The following FBXL16 variants were observed in gnomAD, a reference collection of about 807,000 sequenced individuals.
The protein encoded by FBXL16 is F-box/LRR-repeat protein 16.
A neutral mutation model predicts 36.7 loss-of-function variants in FBXL16; 7 were observed. That is an observed-to-expected ratio of 0.19 (90% CI 0.11 to 0.36). The LOEUF (loss-of-function observed/expected upper bound fraction) is 0.36, where lower values mean the gene tolerates loss of function less well. Among genes scored for constraint, FBXL16 ranks in the 10% least tolerant of loss-of-function variants. The pLI is 1.00. For missense variants in FBXL16, 463 were observed against 659.4 expected (o/e 0.70, Z 3.26); for synonymous variants, 355 against 308.7 (o/e 1.15, Z -1.57).
intron 3 of FBXL16, 73 bp downstream of exon 3, chr16:695,342 C>A (rs2040002680): frequency 9.4e-7 from 1 of 1,068,642 alleles, no homozygotes; most frequent in East Asian, 6.8e-5. Flanking sequence ...CGGCCCCGTG[C>A]AGCCCCGCCC....
Position 697,112 on chromosome 16 carries a change from G to A in FBXL16, c.294C>T (p.Asp98=), listed in dbSNP as rs369646416. Residue 98 remains aspartate (D), a synonymous_variant, in exon 2 of 6, where the codon GAC becomes GAT. Coordinates refer to ENST00000397621, the MANE Select transcript of FBXL16 (RefSeq NM_153350.4). The surrounding 1 kb of genome is among the most constrained non-coding windows in gnomAD (Gnocchi z 4.6). ...AGAAGAGCCCATTGAGGATCTTCTC[G>A]TCCGTGGCCAGCGGCGGCCGCTCCG... ...HPAERPPLAT[D]EKILNGLFWY... 30 of 1,607,406 alleles carry A rather than the reference G, an allele frequency of 1.9e-5. No homozygotes were observed. The East Asian group carries it at 2.5e-4, about 13-fold the overall frequency.
At chr16:700,189 G>A (rs2040045500) in intron 1 of FBXL16, among the ~76,000 whole-genome samples, 1 of 152,076 alleles carries the variant, frequency 6.6e-6, no homozygotes, top group Non-Finnish European at 1.5e-5. Flanking sequence ...CGGGACCAGG[G>A]GTCTCGCCAG....
intron 2 of FBXL16, among the ~76,000 whole-genome samples, chr16:696,451 A>G (rs1310381123): frequency 6.6e-6 from 1 of 152,096 alleles, no homozygotes; most frequent in Non-Finnish European, 1.5e-5. Flanking sequence ...TTTAATAGAA[A>G]TAGAGTTTCA....
At chr16:694,477 G>A in intron 5 of FBXL16, 54 bp from the exon 6 acceptor site, 1 of 1,504,578 alleles carries the variant, frequency 6.6e-7, no homozygotes, top group Admixed American at 2.2e-5. Context: ...CTCGGGCGGG[G>A]ACGGCCGGGC....
intron 1 of FBXL16, among the ~76,000 whole-genome samples, chr16:702,759 C>T (rs533888871): frequency 9.2e-5 from 14 of 152,280 alleles, no homozygotes; most frequent in African/African-American, 3.1e-4. Flanking sequence ...TGAGAGGGCT[C>T]CCAAGACCCC....
intron 1 of FBXL16, among the ~76,000 whole-genome samples, chr16:702,863 G>A (rs1041937996): frequency 6.6e-6 from 1 of 152,230 alleles, no homozygotes; most frequent in Non-Finnish European, 1.5e-5. Flanking sequence ...CTGCAGGGCT[G>A]AGGAAGTGGC....
At chr16:703,462 G>A (rs1478400575) in intron 1 of FBXL16, among the ~76,000 whole-genome samples, 1 of 152,210 alleles carries the variant, frequency 6.6e-6, no homozygotes, top group Non-Finnish European at 1.5e-5. Context: ...GAGGGCCTTA[G>A]AGCTGGGCAG....
chr16:695,330 C>G (rs940567879), intron 3 of FBXL16, 85 bp downstream of exon 3: 37 of 1,082,858 alleles, frequency 3.4e-5, no homozygotes, highest in Non-Finnish European at 4.2e-5. Context: ...AGCCCCCGCC[C>G]CCGGCCCCGT....
intron 5 of FBXL16, 25 bp downstream of exon 5, chr16:694,609 G>T: frequency 1.9e-6 from 3 of 1,601,720 alleles, no homozygotes; most frequent in Non-Finnish European, 2.6e-6. Flanking sequence ...CACTGCCAGC[G>T]TCAGAGCAGA....
In FBXL16 at chr16:692,615, C is replaced by T. The variant is rs919262961; in HGVS notation, c.*1660G>A. On this transcript the variant is annotated 3_prime_UTR_variant, in exon 6 of 6. Transcript: ENST00000397621. The stretch of plus-strand genomic sequence containing the variant: ...TTCCGCATATACAGGAGAATGAGGT[C>T]GTTATGTACAATAAGAAAATGATTT... 13 of 152,592 alleles carry T rather than the reference C, an allele frequency of 8.5e-5. No homozygotes were observed. In the East Asian group the frequency reaches 1.5e-3, roughly 18 times the overall value. The allele number at this position is 152,592 out of a possible 1,614,324, so 9.5% of individuals were successfully genotyped here.
chr16:701,397 C>T (rs914176691), intron 1 of FBXL16, among the ~76,000 whole-genome samples: 3 of 152,250 alleles, frequency 2.0e-5, no homozygotes, highest in African/African-American at 4.8e-5. Flanking sequence ...TGCCGGCCCC[C>T]GCTGCTCCTC....
Position 694,294 on chromosome 16 carries a change from C to A in FBXL16, c.1421G>T (p.Arg474Leu). The change falls in exon 6 of 6, where the codon CGC becomes CTC. Residue 474 changes from arginine to leucine, a missense_variant. By Grantham distance (102) the Arg-to-Leu change is moderately radical (BLOSUM62 -2). This residue lies in a region of FBXL16 where 134 missense variants were observed against 172.0 expected (regional missense o/e 0.78). Coordinates refer to ENST00000397621, the MANE Select transcript of FBXL16 (RefSeq NM_153350.4). ...CTCGCGCTACTCAATGACGAGGCAG[C>A]GGGGCAGGTGCTGCGAGAAATACTT... Reference protein sequence around the residue: ...LFKYFSQHLPRCLVIE With the variant: ...LFKYFSQHLPLCLVIE 1.4e-6 allele frequency: 2 copies of A among 1,436,098 alleles called. No homozygotes were observed. The highest frequency in any genetic ancestry group is 3.1e-5 in the South Asian group (2 of 63,630). 89.0% of individuals were successfully genotyped at this position (1,436,098 alleles called of 1,614,324 possible).
At chr16:701,880 C>T (rs919957947) in intron 1 of FBXL16, among the ~76,000 whole-genome samples, 6 of 152,168 alleles carry the variant, frequency 3.9e-5, no homozygotes, top group African/African-American at 1.2e-4. Context: ...GTCAAGGCTC[C>T]GGGGCTCACC....
In FBXL16 at chr16:698,094, C is replaced by T. The variant is rs193052487; in HGVS notation, c.-14-675G>A. Reference sequence around the variant, plus strand: ...TTGGCTCCCCGCAACCTCTCTGCCTCGTAGGTTCAAGTGATTCTCCTGCCT... The same window carrying T: ...TTGGCTCCCCGCAACCTCTCTGCCTTGTAGGTTCAAGTGATTCTCCTGCCT... On this transcript the variant is annotated intron_variant, in intron 1 of 5. Coordinates refer to ENST00000397621, the MANE Select transcript of FBXL16 (RefSeq NM_153350.4). Among the ~76,000 whole-genome samples the T allele has an allele frequency of 1.6e-4, 25 of 152,178 alleles. No individual in the cohort carries two copies. The East Asian group carries it at 4.3e-3, about 26-fold the overall frequency.
At chr16:695,357 C>A in intron 3 of FBXL16, 58 bp downstream of exon 3, 1 of 1,204,402 alleles carries the variant, frequency 8.3e-7, no homozygotes, top group East Asian at 4.4e-5. Context: ...CCGCCCCGCC[C>A]CGCCCCGTGC....
rs1436392556 is a variant in FBXL16, at chr16:697,367, T to C, written c.39A>G (p.Pro13=). Residue 13 remains proline (P), a synonymous_variant, in exon 2 of 6, where the codon CCA becomes CCG. Transcript: ENST00000397621. This position sits in a 1 kb window ranked among gnomAD's most constrained non-coding sequence, Gnocchi z 4.6. ...TCACCAGACCGTTTCGAGGCAAGCA[T>C]GGAGGCTTGGGGTCGCCGTCGATGC... ...SPGIDGDPKP[P]CLPRNGLVKL... 10 of 1,536,852 alleles carry C rather than the reference T, an allele frequency of 6.5e-6. No homozygotes were observed. The Admixed American group carries it at 1.4e-4, about 21-fold the overall frequency.
chr16:699,337 AAGAAGCAGAG>A, intron 1 of FBXL16, among the ~76,000 whole-genome samples: 1 of 152,332 alleles, frequency 6.6e-6, no homozygotes, highest in African/African-American at 2.4e-5. Context: ...CAGCCACGGA[AAGAAGCAGAG>A]GTGGGACCCT....
intron 1 of FBXL16, among the ~76,000 whole-genome samples, chr16:699,887 C>T (rs2040043196): frequency 6.6e-6 from 1 of 152,172 alleles, no homozygotes; most frequent in Admixed American, 6.5e-5. Context: ...TATGCAGACT[C>T]TCAGGAAGAG....
intron 1 of FBXL16, among the ~76,000 whole-genome samples, chr16:701,534 G>A (rs1458756118): frequency 3.3e-5 from 5 of 152,236 alleles, no homozygotes; most frequent in Non-Finnish European, 7.3e-5. Flanking sequence ...GGAGACTGGG[G>A]TCTCTCTGCC....
Sources: gnomAD v4.1 joint callset for allele counts (sites outside exome capture counted in the v4.1 genomes callset) on GRCh38, gnomAD v4.1.1 for gene constraint, gnomAD v4.1.1 regional missense constraint, Gnocchi (gnomAD v3.1) non-coding constraint, MANE v1.5 for transcripts, NCBI Gene and HGNC (gene_info 2026-07-23, HGNC 2026-07-21) for gene names.